Variants in UGGT1 observed in about 807,000 individuals in gnomAD.
UGGT1 encodes UDP-glucose:glycoprotein glucosyltransferase 1.
Under a neutral mutation model 203.9 loss-of-function variants are expected in UGGT1, and 107 were observed. The observed-to-expected ratio is 0.52, with a 90% CI of 0.45 to 0.62. The LOEUF (loss-of-function observed/expected upper bound fraction) is 0.62. Ranked by LOEUF, UGGT1 falls within the 20% of genes least tolerant of loss-of-function variation. The pLI is 0.00. For missense variants in UGGT1, 1,673 were observed against 1,867.2 expected, an observed-to-expected ratio of 0.90 and a Z score of 1.92; for synonymous variants, 628 against 653.5, an observed-to-expected ratio of 0.96 and a Z score of 0.59.
intron 30 of UGGT1, 87 bp downstream of exon 30, chr2:128,174,026 C>A: frequency 6.9e-7 from 1 of 1,457,932 alleles, no homozygotes; most frequent in South Asian, 1.3e-5. Flanking sequence ...GCATTCTTAA[C>A]CATAGAGTGA....
chr2:128,126,884 C>T (rs553001184), intron 11 of UGGT1, among the ~76,000 whole-genome samples: 1 of 150,958 alleles, frequency 6.6e-6, no homozygotes, highest in Non-Finnish European at 1.5e-5. Context: ...GGTTTTGCCA[C>T]GTTGTCCAGG....
Position 128,160,525 on chromosome 2 carries a change from T to G in UGGT1, c.2628T>G (p.His876Gln). Residue 876 changes from histidine to glutamine, a missense_variant, in exon 24 of 41, where the codon CAT (histidine) becomes CAG (glutamine). This residue lies in a region of UGGT1 where 1,073 missense variants were observed against 1,078.7 expected (regional missense o/e 0.99). Transcript: ENST00000259253. ...ESSKMDFILS[H>Q]AVYCRDVLKL... ...CCAAAATGGATTTCATTTTGTCTCA[T>G]GCCGTGTACTGCAGGGATGTTCTGA... is the stretch of plus-strand genomic sequence containing the variant. The G allele has an allele frequency of 6.2e-7, 1 of 1,613,546 alleles. No individual in the cohort carries two copies. Among genetic ancestry groups the G allele is most frequent in the Non-Finnish European group, 8.5e-7 (1 of 1,179,886 alleles).
chr2:128,158,619 C>T (rs888570085), intron 22 of UGGT1, among the ~76,000 whole-genome samples: 1 of 152,140 alleles, frequency 6.6e-6, no homozygotes, highest in Non-Finnish European at 1.5e-5. Flanking sequence ...ATTTGAAGGA[C>T]AGTTGGGTTT....
chr2:128,136,114 A>G (rs772682162), intron 15 of UGGT1, among the ~76,000 whole-genome samples: 2 of 152,216 alleles, frequency 1.3e-5, no homozygotes, highest in Non-Finnish European at 2.9e-5. Flanking sequence ...CTCCTAGGCA[A>G]CTGAGAGATT....
At position 128,145,975 on chromosome 2, in the gene UGGT1, AC is replaced by A. The variant is rs746620257; in HGVS notation, c.2016+9del. 15 of 1,613,676 alleles carry A rather than the reference AC, an allele frequency of 9.3e-6. No homozygotes were observed. Among genetic ancestry groups the A allele is most frequent in the African/African-American group, 1.3e-5 (1 of 74,878 alleles). On this transcript the variant is annotated intron_variant, in intron 18 of 40. Transcript: ENST00000259253. ...CAAAGAGCGGTGTACTTGGTGAGTCACGTTTCAAGGCTGATTTTTTAAAGAG... is the reference window on the plus strand; with the variant it reads ...CAAAGAGCGGTGTACTTGGTGAGTCAGTTTCAAGGCTGATTTTTTAAAGAG...
At chr2:128,150,328 C>T (rs1027914828) in intron 18 of UGGT1, among the ~76,000 whole-genome samples, 1 of 152,102 alleles carries the variant, frequency 6.6e-6, no homozygotes, top group Admixed American at 6.6e-5. Flanking sequence ...TGAGCTACTT[C>T]GGGAGACTAA....
At chr2:128,122,505 G>T (rs1391184257) in intron 10 of UGGT1, among the ~76,000 whole-genome samples, 1 of 150,648 alleles carries the variant, frequency 6.6e-6, no homozygotes, top group Non-Finnish European at 1.5e-5. Context: ...TTGCACTCCA[G>T]CCTGAGCAAC....
intron 36 of UGGT1, 119 bp downstream of exon 36, chr2:128,181,191 T>G (rs1691672914): frequency 1.0e-6 from 1 of 965,772 alleles, no homozygotes; most frequent in African/African-American, 1.6e-5. Flanking sequence ...TTAGAAAATA[T>G]GAAAATATGT....
intron 33 of UGGT1, 81 bp from the exon 34 acceptor site, chr2:128,178,385 GCA>G (rs1691506088): frequency 8.7e-7 from 1 of 1,154,196 alleles, no homozygotes. Context: ...GATGGGAAGC[GCA>G]GTCTCTTTCC....
intron 33 of UGGT1, 31 bp from the exon 34 acceptor site, chr2:128,178,437 A>G (rs1427354975): frequency 8.3e-6 from 13 of 1,567,518 alleles, no homozygotes; most frequent in East Asian, 2.2e-5. Context: ...GAGTGTTTCA[A>G]GTGGTCTTTT....
At chr2:128,124,661 C>T (rs1688527670) in intron 11 of UGGT1, among the ~76,000 whole-genome samples, 2 of 143,786 alleles carry the variant, frequency 1.4e-5, no homozygotes, top group Non-Finnish European at 1.5e-5. Flanking sequence ...TTAAAAGTCT[C>T]TTCTTTCCTA....
At chr2:128,152,961 T>A in intron 19 of UGGT1, 57 bp downstream of exon 19, 2 of 1,599,756 alleles carry the variant, frequency 1.3e-6, no homozygotes, top group Non-Finnish European at 1.7e-6. Flanking sequence ...TTCAGAATCT[T>A]TACATTTTTC....
chr2:128,133,043 G>T, intron 13 of UGGT1, 98 bp from the exon 14 acceptor site: 8 of 1,447,520 alleles, frequency 5.5e-6, no homozygotes, highest in South Asian at 1.3e-5. Context: ...TGTCTCACAT[G>T]ATTCTTCTTA....
At chr2:128,186,567 A>G (rs1691992051) in intron 38 of UGGT1, 116 bp from the exon 39 acceptor site, 2 of 726,884 alleles carry the variant, frequency 2.8e-6, no homozygotes. Flanking sequence ...AGATCGTACT[A>G]CTGCACTCCA....
At chr2:128,147,733 C>T (rs1689758345) in intron 18 of UGGT1, among the ~76,000 whole-genome samples, 1 of 152,042 alleles carries the variant, frequency 6.6e-6, no homozygotes, top group Non-Finnish European at 1.5e-5. Context: ...AACTCAGCCT[C>T]TCGAGTAGCT....
intron 28 of UGGT1, 38 bp from the exon 29 acceptor site, chr2:128,172,535 C>A: frequency 6.2e-7 from 1 of 1,606,084 alleles, no homozygotes. Flanking sequence ...CCTGTTGTCA[C>A]ATCGAAAATT....
At chr2:128,139,932 G>A (rs978608373) in intron 16 of UGGT1, 1 of 153,688 alleles carries the variant, frequency 6.5e-6, no homozygotes, top group African/African-American at 2.4e-5. Context: ...TGCCACCATG[G>A]AGAAGAGTGA....
At chr2:128,145,029 G>C (rs1356410617) in intron 17 of UGGT1, among the ~76,000 whole-genome samples, 2 of 152,180 alleles carry the variant, frequency 1.3e-5, no homozygotes, top group African/African-American at 4.8e-5. Context: ...TGTTGCCCCA[G>C]TATTTTCTGG....
rs552736551 is a variant in UGGT1, at chr2:128,189,940, G to T, written c.*198G>T. Reference sequence around the variant, plus strand: ...TTGGGATTAAAGCTCTGTTGGATTTGTACCTCAGAGGAAGACCAAGTGGCT... The same window carrying T: ...TTGGGATTAAAGCTCTGTTGGATTTTTACCTCAGAGGAAGACCAAGTGGCT... On this transcript the variant is annotated 3_prime_UTR_variant, in exon 41 of 41. Coordinates refer to ENST00000259253, the MANE Select transcript of UGGT1 (RefSeq NM_020120.4). 6.5e-5 allele frequency: 36 copies of T among 555,886 alleles called. No homozygotes were observed. The South Asian group carries it at 9.0e-4, about 14-fold the overall frequency. The allele number at this position is 555,886 out of a possible 1,614,324, so 34.4% of individuals were successfully genotyped here.
Sources: gnomAD v4.1 joint callset for allele counts (sites outside exome capture counted in the v4.1 genomes callset) on GRCh38, gnomAD v4.1.1 for gene constraint, gnomAD v4.1.1 regional missense constraint, MANE v1.5 for transcripts, NCBI Gene and HGNC (gene_info 2026-07-23, HGNC 2026-07-21) for gene names.